The following ATP10B variants were observed in gnomAD, a reference collection of about 807,000 sequenced individuals.
ATP10B encodes phospholipid-transporting ATPase VB.
ATP10B carries 122 observed loss-of-function variants against 141.2 expected under a neutral mutation model. That is an observed-to-expected ratio of 0.86 (90% CI 0.75 to 1.00). The LOEUF (loss-of-function observed/expected upper bound fraction) is 1.00. Ranked by LOEUF, ATP10B falls within the 50% of genes least tolerant of loss-of-function variation. ATP10B has a pLI of 0.00. For synonymous variants in ATP10B, 685 were observed against 692.0 expected (o/e 0.99, Z 0.16); for missense variants, 1,876 against 1,825.3 (o/e 1.03, Z -0.51).
chr5:160,835,799 G>A (rs186211582), intron 1 of ATP10B, among the ~76,000 whole-genome samples: 1 of 152,238 alleles, frequency 6.6e-6, no homozygotes, highest in Admixed American at 6.6e-5. Context: ...TACAAAAACA[G>A]CAGGTCCTTC....
chr5:160,786,623 A>C (rs1384128305), intron 1 of ATP10B, among the ~76,000 whole-genome samples: 1 of 152,168 alleles, frequency 6.6e-6, no homozygotes, highest in East Asian at 1.9e-4. Flanking sequence ...TACAGGAAAG[A>C]GTTGACACAC....
At chr5:160,592,340 C>G (rs1322521875) in intron 22 of ATP10B, among the ~76,000 whole-genome samples, 1 of 152,126 alleles carries the variant, frequency 6.6e-6, no homozygotes, top group East Asian at 1.9e-4. Context: ...GAGGGGATGG[C>G]TGAAAGGTAT....
intron 2 of ATP10B, among the ~76,000 whole-genome samples, chr5:160,781,622 G>GA (rs745958566): frequency 5.3e-5 from 8 of 152,048 alleles, no homozygotes; most frequent in Admixed American, 2.0e-4. Flanking sequence ...TATGGAAAGA[G>GA]AAAAAATATT....
intron 18 of ATP10B, chr5:160,612,335 G>A (rs1465429146): frequency 6.5e-6 from 1 of 154,756 alleles, no homozygotes; most frequent in Non-Finnish European, 1.4e-5. Flanking sequence ...CAAACAGTGT[G>A]GTAGAATGTA....
At chr5:160,833,791 A>G (rs914972542) in intron 1 of ATP10B, among the ~76,000 whole-genome samples, 5 of 152,206 alleles carry the variant, frequency 3.3e-5, no homozygotes, top group Non-Finnish European at 7.3e-5. Flanking sequence ...TAAATCAATT[A>G]CATTTGGCAG....
Position 160,707,095 on chromosome 5 carries a change from C to T in ATP10B, c.-205+9814G>A, listed in dbSNP as rs549815279. ...CCTCCCTAGTAGCCGGGATTACAGG[C>T]GCCTGCCACCACGCCTCGCTAATTT... is the stretch of plus-strand genomic sequence containing the variant. On this transcript the variant is annotated intron_variant, in intron 3 of 25. Transcript: ENST00000327245. 3.9e-5 allele frequency among the ~76,000 whole-genome samples: 6 copies of T among 152,200 alleles called. No homozygotes were observed. In the South Asian group the frequency reaches 6.2e-4, roughly 16 times the overall value.
intron 10 of ATP10B, 32 bp downstream of exon 10, chr5:160,640,429 T>G (rs1561683151): frequency 1.2e-6 from 2 of 1,604,860 alleles, no homozygotes; most frequent in Admixed American, 1.7e-5. Context: ...AATCGATTAC[T>G]GTGTCCTTGT....
At chr5:160,814,716 T>A (rs1773462864) in intron 1 of ATP10B, among the ~76,000 whole-genome samples, 1 of 151,790 alleles carries the variant, frequency 6.6e-6, no homozygotes, top group Admixed American at 6.6e-5. Context: ...AAGGAAAAAA[T>A]GTTAAGGGCA....
At chr5:160,707,710 A>G (rs924550379) in intron 3 of ATP10B, among the ~76,000 whole-genome samples, 1 of 152,212 alleles carries the variant, frequency 6.6e-6, no homozygotes, top group Non-Finnish European at 1.5e-5. Flanking sequence ...AGTCAAAATG[A>G]CTAAGAATCT....
rs892827872 is a variant in ATP10B at position 160,617,992 on chromosome 5, C to A, written c.2417-19G>T. ...TCAGGTACTGTCAAATAGCCATTTT[C>A]CCGCATGAGGCCACATACAAATGCT... On this transcript the variant is annotated intron_variant, in intron 15 of 25. Coordinates refer to ENST00000327245, the MANE Select transcript of ATP10B (RefSeq NM_025153.3). 6.3e-7 allele frequency: 1 copy of A among 1,590,230 alleles called. No homozygotes were observed. The highest frequency in any genetic ancestry group is 8.6e-7 in the Non-Finnish European group (1 of 1,158,326).
the ATP10B span, among the ~76,000 whole-genome samples, chr5:160,884,367 G>A: frequency 6.6e-6 from 1 of 152,144 alleles, no homozygotes; most frequent in Non-Finnish European, 1.5e-5. Flanking sequence ...TCCAAGAAGG[G>A]GACTGACATG....
the ATP10B span, among the ~76,000 whole-genome samples, chr5:160,877,713 A>C: frequency 7.1e-6 from 1 of 140,972 alleles, no homozygotes; most frequent in African/African-American, 2.5e-5. Flanking sequence ...CAATGTACAA[A>C]AATCACAAGC....
At chr5:160,826,966 A>T (rs1481374986) in intron 1 of ATP10B, among the ~76,000 whole-genome samples, 4 of 152,192 alleles carry the variant, frequency 2.6e-5, no homozygotes, top group African/African-American at 7.2e-5. Flanking sequence ...GTGCCACTGA[A>T]CACAGACCCT....
At chr5:160,653,249 C>T (rs943778498) in intron 7 of ATP10B, among the ~76,000 whole-genome samples, 15 of 127,012 alleles carry the variant, frequency 1.2e-4, no homozygotes, top group East Asian at 8.8e-4. Flanking sequence ...TATATACATA[C>T]GTAGTATATA....
chr5:160,809,669 C>T (rs1207251214), intron 1 of ATP10B, among the ~76,000 whole-genome samples: 2 of 152,038 alleles, frequency 1.3e-5, no homozygotes, highest in African/African-American at 2.4e-5. Context: ...TAGTTTTTCT[C>T]TCTTACTGTG....
At chr5:160,864,931 C>A in the ATP10B span, among the ~76,000 whole-genome samples, 2 of 151,600 alleles carry the variant, frequency 1.3e-5, no homozygotes, top group South Asian at 2.1e-4. Context: ...TAATAGGTGA[C>A]ACAAATGGAA....
At chr5:160,660,732 A>G (rs768667372) in intron 7 of ATP10B, among the ~76,000 whole-genome samples, 6 of 152,242 alleles carry the variant, frequency 3.9e-5, no homozygotes, top group Non-Finnish European at 8.8e-5. Context: ...ATGGTAGCAC[A>G]CTGCAGTTCC....
intron 2 of ATP10B, among the ~76,000 whole-genome samples, chr5:160,775,454 C>A (rs187569601): frequency 1.3e-5 from 2 of 152,226 alleles, no homozygotes; most frequent in Non-Finnish European, 1.5e-5. Flanking sequence ...ACTATAGGAG[C>A]ATAGGGCACA....
At chr5:160,866,377 A>G in the ATP10B span, among the ~76,000 whole-genome samples, 14 of 152,136 alleles carry the variant, frequency 9.2e-5, no homozygotes, top group Non-Finnish European at 2.1e-4. Flanking sequence ...GCAAAGCCAT[A>G]AGAATGATAT....
Sources: gnomAD v4.1 joint callset for allele counts (sites outside exome capture counted in the v4.1 genomes callset) on GRCh38, gnomAD v4.1.1 for gene constraint, MANE v1.5 for transcripts, NCBI Gene and HGNC (gene_info 2026-07-23, HGNC 2026-07-21) for gene names.